Variants in PRKN observed in about 807,000 individuals in gnomAD.
PRKN encodes parkin RBR E3 ubiquitin protein ligase, also known as E3 ubiquitin-protein ligase parkin.
In PRKN, 56 loss-of-function variants were observed where a neutral mutation model predicts 59.5. The observed-to-expected ratio is 0.94, with a 90% CI of 0.76 to 1.18. PRKN has a LOEUF of 1.18. Among genes scored for constraint, PRKN ranks in the 50% most tolerant of loss-of-function variants. PRKN has a pLI of 0.00. For synonymous variants in PRKN, 250 were observed against 222.1 expected, an observed-to-expected ratio of 1.13 and a Z score of -1.12; for missense variants, 657 against 596.4, an observed-to-expected ratio of 1.10 and a Z score of -1.06.
intron 6 of PRKN, among the ~76,000 whole-genome samples, chr6:161,917,512 G>C (rs1778615285): frequency 6.6e-6 from 1 of 152,114 alleles, no homozygotes; most frequent in Non-Finnish European, 1.5e-5. Flanking sequence ...ATTTGTGGTA[G>C]TAATAAGGTT....
intron 2 of PRKN, among the ~76,000 whole-genome samples, chr6:162,306,382 G>A (rs1281921692): frequency 6.6e-6 from 1 of 152,254 alleles, no homozygotes; most frequent in East Asian, 1.9e-4. Context: ...ACCCCTATGG[G>A]GCAATTTCCA....
chr6:162,328,933 A>G (rs973879568), intron 2 of PRKN, among the ~76,000 whole-genome samples: 17 of 152,176 alleles, frequency 1.1e-4, no homozygotes, highest in Non-Finnish European at 2.9e-5. Flanking sequence ...TCCATGTTCT[A>G]AACACAACAA....
chr6:162,340,516 G>A (rs7741243), intron 2 of PRKN, among the ~76,000 whole-genome samples: 13,049 of 152,000 alleles, frequency 0.086, 1,075 homozygotes, highest in East Asian at 0.46. Flanking sequence ...TAGTTCTGTG[G>A]TACAAAATCA....
intron 1 of PRKN, among the ~76,000 whole-genome samples, chr6:162,606,272 T>A (rs1470208991): frequency 6.6e-6 from 1 of 152,176 alleles, no homozygotes; most frequent in Admixed American, 6.5e-5. Context: ...TTAATACACA[T>A]AACTTACAAA....
chr6:161,946,459 A>C, intron 6 of PRKN, among the ~76,000 whole-genome samples: 1 of 146,236 alleles, frequency 6.8e-6, no homozygotes, highest in Admixed American at 6.8e-5. Context: ...CTCAATACAA[A>C]AGAGACAGCG....
chr6:162,201,049 C>T (rs1271214637), intron 4 of PRKN, 82 bp downstream of exon 4: 2 of 1,420,372 alleles, frequency 1.4e-6, no homozygotes, highest in African/African-American at 1.4e-5. Context: ...ACGGGTGATA[C>T]ATCATTAGAA....
At chr6:161,859,036 AT>A (rs1793778875) in intron 6 of PRKN, among the ~76,000 whole-genome samples, 1 of 150,780 alleles carries the variant, frequency 6.6e-6, no homozygotes, top group Non-Finnish European at 1.5e-5. Flanking sequence ...TACCCAGCTA[AT>A]TTTTGTATTT....
At chr6:162,387,551 CACACAGAGAGAGAG>C (rs1360369807) in intron 2 of PRKN, among the ~76,000 whole-genome samples, 42 of 76,666 alleles carry the variant, frequency 5.5e-4, no homozygotes, top group African/African-American at 1.9e-3. Flanking sequence ...CACACACACA[CACACAGAGAGAGAG>C]AGAGAGAGAG....
chr6:161,580,507 T>A (rs1190783310), intron 7 of PRKN, among the ~76,000 whole-genome samples: 2 of 152,116 alleles, frequency 1.3e-5, no homozygotes, highest in East Asian at 3.9e-4. Flanking sequence ...ACACGGAGTC[T>A]CGCTCTGTCA....
chr6:161,414,194 T>C lies in PRKN; in HGVS notation c.1084-27317A>G, dbSNP rs1291245569. ...CTCGACACTATGCTCTCAATCTCCA[T>C]GCACAATTTTGCAGAAGAGGCTCTT... On this transcript the variant is annotated intron_variant, in intron 9 of 11. Transcript: ENST00000366898. The surrounding 1 kb of genome is among the most constrained non-coding windows in gnomAD (Gnocchi z 5.3). Among the ~76,000 whole-genome samples, 1 of 152,308 alleles carries C rather than the reference T, an allele frequency of 6.6e-6. No homozygotes were observed. The highest frequency in any genetic ancestry group is 2.1e-4 in the South Asian group (1 of 4,820).
At chr6:162,099,290 T>C (rs1779870582) in intron 4 of PRKN, among the ~76,000 whole-genome samples, 1 of 152,214 alleles carries the variant, frequency 6.6e-6, no homozygotes, top group African/African-American at 2.4e-5. Context: ...TTCTAAGGCA[T>C]ATTTTTAAAA....
intron 6 of PRKN, among the ~76,000 whole-genome samples, chr6:161,931,617 A>C (rs1779174581): frequency 6.6e-6 from 1 of 152,220 alleles, no homozygotes; most frequent in African/African-American, 2.4e-5. Context: ...GGCACTGACC[A>C]ACAAAAATTG....
rs371250115 is a variant in PRKN, at chr6:161,355,567, A to ATT, written c.1285+4519_1285+4520dup. Among the ~76,000 whole-genome samples, 16 of 148,512 alleles carry ATT rather than the reference A, an allele frequency of 1.1e-4. No homozygotes were observed. Among genetic ancestry groups the ATT allele is most frequent in the African/African-American group, 2.5e-4 (10 of 40,448 alleles). ...CAGGTGCCTGCCACCACACCTAGCT[A>ATT]TTTTTTTTTTGTATTTTTACTAGAG... On this transcript the variant is annotated intron_variant, in intron 11 of 11. Coordinates refer to ENST00000366898, the MANE Select transcript of PRKN (RefSeq NM_004562.3). The surrounding 1 kb of genome is among the most constrained non-coding windows in gnomAD (Gnocchi z 6.8).
At chr6:162,691,169 C>A (rs1244987730) in intron 1 of PRKN, among the ~76,000 whole-genome samples, 1 of 151,946 alleles carries the variant, frequency 6.6e-6, no homozygotes, top group Admixed American at 6.6e-5. Flanking sequence ...ATAAAAATTT[C>A]TTTCAACAAA....
At position 161,388,008 on chromosome 6, in the gene PRKN, A is replaced by G. The variant is rs1378656384; in HGVS notation, c.1084-1131T>C. 6.6e-6 allele frequency among the ~76,000 whole-genome samples: 1 copy of G among 152,202 alleles called. No homozygotes were observed. Among genetic ancestry groups the G allele is most frequent in the Non-Finnish European group, 1.5e-5 (1 of 68,032 alleles). ...AAAGCTGGAAGAGTGAATGCCAGAG[A>G]GGCTCGTTTAGGGCTGTCTGTCTGG... On this transcript the variant is annotated intron_variant, in intron 9 of 11. Coordinates refer to ENST00000366898, the MANE Select transcript of PRKN (RefSeq NM_004562.3). This position sits in a 1 kb window ranked among gnomAD's most constrained non-coding sequence, Gnocchi z 4.3.
chr6:161,905,197 T>C (rs1778095728), intron 6 of PRKN, among the ~76,000 whole-genome samples: 1 of 152,196 alleles, frequency 6.6e-6, no homozygotes, highest in Non-Finnish European at 1.5e-5. Context: ...TTAACAACCA[T>C]GATTACATGC....
chr6:162,282,927 G>T (rs1780980229), intron 2 of PRKN, among the ~76,000 whole-genome samples: 1 of 151,796 alleles, frequency 6.6e-6, no homozygotes, highest in Non-Finnish European at 1.5e-5. Context: ...AGACACCTGG[G>T]AAATTATTTG....
Position 162,157,911 on chromosome 6 carries a change from C to T in PRKN, c.534+43220G>A, listed in dbSNP as rs1583122203. Among the ~76,000 whole-genome samples the T allele has an allele frequency of 2.0e-5, 3 of 152,078 alleles. No individual in the cohort carries two copies. The East Asian group carries it at 5.8e-4, about 29-fold the overall frequency. On this transcript the variant is annotated intron_variant, in intron 4 of 11. Transcript: ENST00000366898. ...TTCCATAATAATAATACTTTCAGTCCTCTGGTCTCAACATTTTGTTGCAAC... is the reference window on the plus strand; with the variant it reads ...TTCCATAATAATAATACTTTCAGTCTTCTGGTCTCAACATTTTGTTGCAAC...
chr6:161,989,980 C>G (rs1343575785), intron 5 of PRKN, among the ~76,000 whole-genome samples: 2 of 152,154 alleles, frequency 1.3e-5, no homozygotes, highest in Non-Finnish European at 1.5e-5. Context: ...ACCACCACCA[C>G]TGGTGCCTGC....
Sources: gnomAD v4.1 joint callset for allele counts (sites outside exome capture counted in the v4.1 genomes callset) on GRCh38, gnomAD v4.1.1 for gene constraint, Gnocchi (gnomAD v3.1) non-coding constraint, MANE v1.5 for transcripts, NCBI Gene and HGNC (gene_info 2026-07-23, HGNC 2026-07-21) for gene names.